The following FBP1 variants were observed in gnomAD, a reference collection of about 807,000 sequenced individuals.
The protein encoded by FBP1 is fructose-bisphosphatase 1, also known as fructose-1,6-bisphosphatase 1.
In FBP1, 22 loss-of-function variants were observed where a neutral mutation model predicts 29.9. The ratio of observed to expected loss-of-function variants is 0.74; its 90% CI spans 0.53 to 1.05. The LOEUF (loss-of-function observed/expected upper bound fraction) is 1.05. Ranked by LOEUF, FBP1 falls within the 50% of genes least tolerant of loss-of-function variation. The probability of loss-of-function intolerance (pLI) is 0.00; values close to 1 mark genes in which losing one functional copy is unlikely to be tolerated. For missense variants in FBP1, 345 were observed against 448.2 expected (o/e 0.77, Z 2.08); for synonymous variants, 175 against 178.6 (o/e 0.98, Z 0.16).
intron 1 of FBP1, among the ~76,000 whole-genome samples, chr9:94,631,711 ACTCGGG>A (rs1322298834): frequency 1.3e-5 from 2 of 152,214 alleles, no homozygotes; most frequent in African/African-American, 4.8e-5. Context: ...GAAGAACCAG[ACTCGGG>A]CTCGGAACAC....
intron 1 of FBP1, among the ~76,000 whole-genome samples, chr9:94,630,414 G>A (rs529551140): frequency 2.6e-5 from 4 of 152,266 alleles, no homozygotes; most frequent in African/African-American, 9.6e-5. Context: ...CAAATGCAAT[G>A]GCCTTTCACC....
intron 3 of FBP1, among the ~76,000 whole-genome samples, chr9:94,611,036 T>C (rs2131478028): frequency 6.6e-6 from 1 of 152,212 alleles, no homozygotes; most frequent in East Asian, 1.9e-4. Flanking sequence ...GTTAATTTTT[T>C]GTATTTTTAG....
At chr9:94,631,614 T>A (rs917566666) in intron 1 of FBP1, among the ~76,000 whole-genome samples, 2 of 152,232 alleles carry the variant, frequency 1.3e-5, no homozygotes, top group Non-Finnish European at 2.9e-5. Flanking sequence ...CAGGGCTGCC[T>A]GGATCTGCTG....
At chr9:94,640,211 G>A (rs1427865261), upstream of FBP1, 2 of 152,240 alleles carry the variant, frequency 1.3e-5, no homozygotes, top group Non-Finnish European at 2.9e-5. Context: ...AGGCCAGAGG[G>A]CTCCACCGCC....
At chr9:94,631,527 G>A (rs1828104142) in intron 1 of FBP1, among the ~76,000 whole-genome samples, 1 of 152,216 alleles carries the variant, frequency 6.6e-6, no homozygotes, top group Non-Finnish European at 1.5e-5. Flanking sequence ...GATTGGGGGA[G>A]GCTGCCTTCC....
chr9:94,606,528 G>C (rs1056916934), intron 5 of FBP1, among the ~76,000 whole-genome samples: 1 of 152,266 alleles, frequency 6.6e-6, no homozygotes, highest in East Asian at 1.9e-4. Context: ...CATGGAGACT[G>C]ATTTTTGATG....
Position 94,609,968 on chromosome 9 carries a change from G to A in FBP1, c.520C>T (p.Leu174=), listed in dbSNP as rs755540177. The A allele has an allele frequency of 2.5e-6, 4 of 1,614,206 alleles. No homozygotes were observed. The highest frequency in any genetic ancestry group is 1.7e-5 in the Admixed American group (1 of 60,028). ...GYALYGSATM[L]VLAMDCGVNC... Reference sequence around the variant, plus strand: ...ACCCCACAGTCCATGGCAAGGACCAGCATGGTGGCACTGCCATACAGTGCG... The same window carrying A: ...ACCCCACAGTCCATGGCAAGGACCAACATGGTGGCACTGCCATACAGTGCG... The change falls in exon 4 of 7, where the codon CTG becomes TTG. Residue 174 remains leucine (L), a synonymous_variant. Coordinates refer to ENST00000375326, the MANE Select transcript of FBP1 (RefSeq NM_000507.4).
intron 3 of FBP1, among the ~76,000 whole-genome samples, chr9:94,612,781 G>A (rs1256898600): frequency 6.6e-6 from 1 of 151,430 alleles, no homozygotes; most frequent in African/African-American, 2.4e-5. Context: ...AGATGGTCTC[G>A]AACTCTGGAC....
Position 94,626,339 on chromosome 9 carries a change from G to A in FBP1, c.171-5848C>T, listed in dbSNP as rs188025322. Among the ~76,000 whole-genome samples the A allele has an allele frequency of 1.8e-4, 27 of 152,276 alleles. No individual in the cohort carries two copies. The East Asian group carries it at 5.0e-3, about 28-fold the overall frequency. On this transcript the variant is annotated intron_variant, in intron 1 of 6. Coordinates refer to ENST00000375326, the MANE Select transcript of FBP1 (RefSeq NM_000507.4). The stretch of plus-strand genomic sequence containing the variant: ...AAAGGATCCTAAGGTAGAAACAGTG[G>A]GTCAAGAGAATAAATTCCCCCGGCT...
At chr9:94,613,278 A>G (rs1458661425) in intron 3 of FBP1, among the ~76,000 whole-genome samples, 1 of 152,182 alleles carries the variant, frequency 6.6e-6, no homozygotes, top group Non-Finnish European at 1.5e-5. Context: ...GCTTAAAGGG[A>G]AAAAAAGTGG....
intron 3 of FBP1, among the ~76,000 whole-genome samples, chr9:94,610,788 T>C (rs1212962409): frequency 6.6e-6 from 1 of 151,922 alleles, no homozygotes; most frequent in Admixed American, 6.6e-5. Context: ...TGGTCCAGAG[T>C]TTTTCTAACA....
intron 3 of FBP1, among the ~76,000 whole-genome samples, chr9:94,611,009 G>T (rs1360638239): frequency 1.3e-5 from 2 of 151,964 alleles, no homozygotes; most frequent in African/African-American, 4.8e-5. Context: ...GAGTACAGGC[G>T]CCTGCCACCA....
chr9:94,606,704 G>A (rs994526662), intron 5 of FBP1, 111 bp downstream of exon 5: 25 of 1,091,904 alleles, frequency 2.3e-5, no homozygotes, highest in African/African-American at 2.0e-4. Flanking sequence ...GAGGCCCAAG[G>A]CCCTCGATCC....
intron 1 of FBP1, among the ~76,000 whole-genome samples, chr9:94,625,781 C>T (rs980572802): frequency 5.9e-5 from 9 of 152,104 alleles, no homozygotes; most frequent in East Asian, 3.9e-4. Context: ...GGCGACAGAG[C>T]GAGACTCCGT....
At chr9:94,633,772 T>A (rs1009697609) in intron 1 of FBP1, among the ~76,000 whole-genome samples, 2 of 151,812 alleles carry the variant, frequency 1.3e-5, no homozygotes, top group Admixed American at 1.3e-4. Context: ...TGGCGCGATC[T>A]CGGCTCACTG....
intron 4 of FBP1, among the ~76,000 whole-genome samples, chr9:94,608,768 A>C (rs913386412): frequency 1.3e-5 from 2 of 152,172 alleles, no homozygotes; most frequent in African/African-American, 4.8e-5. Context: ...CCTTCCTGCC[A>C]CACACAGACC....
At chr9:94,626,352 A>C (rs146042444) in intron 1 of FBP1, among the ~76,000 whole-genome samples, 5 of 152,284 alleles carry the variant, frequency 3.3e-5, no homozygotes, top group African/African-American at 1.2e-4. Context: ...CAAGAGAATA[A>C]ATTCCCCCGG....
At chr9:94,618,298 T>A (rs1827892657) in intron 2 of FBP1, among the ~76,000 whole-genome samples, 1 of 151,824 alleles carries the variant, frequency 6.6e-6, no homozygotes, top group South Asian at 2.1e-4. Flanking sequence ...GTCTTACAGA[T>A]GCCCCTTGAG....
At chr9:94,606,696 G>T in intron 5 of FBP1, 119 bp downstream of exon 5, 1 of 993,222 alleles carries the variant, frequency 1.0e-6, no homozygotes, top group Non-Finnish European at 1.5e-6. Context: ...CCCCACATGA[G>T]GCCCAAGGCC....
Sources: allele counts gnomAD v4.1 joint callset (sites outside exome capture counted in the v4.1 genomes callset), GRCh38; gene constraint gnomAD v4.1.1; transcripts MANE v1.5; gene names NCBI Gene and HGNC (gene_info 2026-07-23, HGNC 2026-07-21).